The following PLEKHA5 variants were observed in gnomAD, a reference collection of about 807,000 sequenced individuals.
PLEKHA5 encodes pleckstrin homology domain containing A5, also known as pleckstrin homology domain-containing family A member 5.
PLEKHA5 carries 55 observed loss-of-function variants against 181.9 expected under a neutral mutation model. The ratio of observed to expected loss-of-function variants is 0.30; its 90% CI spans 0.24 to 0.38. PLEKHA5 has a LOEUF of 0.38. Ranked by LOEUF, PLEKHA5 falls within the 10% of genes least tolerant of loss-of-function variation. The pLI is 1.00. For missense variants in PLEKHA5, 1,432 were observed against 1,549.5 expected (o/e 0.92, Z 1.27); for synonymous variants, 535 against 529.4 (o/e 1.01, Z -0.15).
chr12:19,306,387 C>T (rs1356873462), intron 15 of PLEKHA5: 3 of 522,550 alleles, frequency 5.7e-6, no homozygotes, highest in Non-Finnish European at 1.1e-5. Context: ...TCCCCTCCCC[C>T]GCGGCGTGCA....
intron 3 of PLEKHA5, among the ~76,000 whole-genome samples, chr12:19,191,533 C>A (rs2051117679): frequency 6.6e-6 from 1 of 152,126 alleles, no homozygotes; most frequent in African/African-American, 2.4e-5. Context: ...ACTGCTGCTG[C>A]CAAGAACCAA....
chr12:19,269,715 T>C, intron 8 of PLEKHA5, 55 bp from the exon 9 acceptor site: 1 of 900,880 alleles, frequency 1.1e-6, no homozygotes, highest in South Asian at 1.8e-5. Flanking sequence ...TTTTTTCTTT[T>C]TCTTTTACAG....
chr12:19,374,847 C>T (rs2095675078), intron 31 of PLEKHA5, among the ~76,000 whole-genome samples: 1 of 151,438 alleles, frequency 6.6e-6, no homozygotes, highest in Non-Finnish European at 1.5e-5. Flanking sequence ...CCCAGCTACT[C>T]AGGAGGCTGA....
At chr12:19,342,970 G>C (rs1209458869) in intron 21 of PLEKHA5, among the ~76,000 whole-genome samples, 4 of 151,912 alleles carry the variant, frequency 2.6e-5, no homozygotes, top group African/African-American at 9.7e-5. Flanking sequence ...TTCTTTTGGG[G>C]TTTGTTTCTG....
intron 3 of PLEKHA5, among the ~76,000 whole-genome samples, chr12:19,252,098 A>C (rs548637294): frequency 6.6e-5 from 10 of 151,966 alleles, no homozygotes; most frequent in African/African-American, 2.4e-4. Flanking sequence ...TACAATAGTC[A>C]ATATGGAATT....
intron 3 of PLEKHA5, among the ~76,000 whole-genome samples, chr12:19,180,157 G>T (rs1046690438): frequency 6.6e-6 from 1 of 152,144 alleles, no homozygotes; most frequent in Non-Finnish European, 1.5e-5. Flanking sequence ...AAATGCCAGC[G>T]GTAGTAAGCA....
intron 6 of PLEKHA5, among the ~76,000 whole-genome samples, chr12:19,260,519 T>A (rs1244163116): frequency 6.6e-6 from 1 of 152,138 alleles, no homozygotes; most frequent in Non-Finnish European, 1.5e-5. Flanking sequence ...TTTAGATAGG[T>A]TATATTACAC....
At chr12:19,337,238 TTTC>T (rs1437391073) in intron 21 of PLEKHA5, among the ~76,000 whole-genome samples, 1 of 152,020 alleles carries the variant, frequency 6.6e-6, no homozygotes, top group Non-Finnish European at 1.5e-5. Flanking sequence ...AAGGGTTAGT[TTTC>T]TTATCTATAA....
chr12:19,308,220 A>C (rs1453074367), intron 15 of PLEKHA5, among the ~76,000 whole-genome samples: 1 of 152,164 alleles, frequency 6.6e-6, no homozygotes, highest in African/African-American at 2.4e-5. Context: ...CATCATGAAG[A>C]AGACATGGAT....
At chr12:19,254,895 T>C in intron 4 of PLEKHA5, 150 bp from the exon 5 acceptor site, 1 of 534,982 alleles carries the variant, frequency 1.9e-6, no homozygotes, top group Admixed American at 3.2e-5. Context: ...GTATTTAAAG[T>C]TGTTGTAAGT....
At chr12:19,369,869 T>A in intron 31 of PLEKHA5, 71 bp downstream of exon 31, 1 of 898,640 alleles carries the variant, frequency 1.1e-6, no homozygotes, top group Non-Finnish European at 1.7e-6. Context: ...GTTGGTTTAG[T>A]GAATCAAAAC....
chr12:19,203,228 C>A (rs1317121569), intron 3 of PLEKHA5, among the ~76,000 whole-genome samples: 1 of 151,976 alleles, frequency 6.6e-6, no homozygotes, highest in African/African-American at 2.4e-5. Flanking sequence ...AAGTACTATG[C>A]CGGTGTGACT....
intron 14 of PLEKHA5, 44 bp downstream of exon 14, chr12:19,290,840 T>G (rs2078250570): frequency 6.7e-7 from 1 of 1,491,982 alleles, no homozygotes; most frequent in South Asian, 1.3e-5. Context: ...CCATCATCTC[T>G]TATTTTGAAA....
intron 3 of PLEKHA5, among the ~76,000 whole-genome samples, chr12:19,140,695 C>G (rs1409721038): frequency 3.3e-5 from 5 of 152,204 alleles, no homozygotes; most frequent in Non-Finnish European, 7.3e-5. Context: ...ATCTGAACAT[C>G]CCAGGGCATT....
intron 7 of PLEKHA5, 121 bp downstream of exon 7, chr12:19,261,142 T>C (rs1054020952): frequency 7.6e-6 from 4 of 528,578 alleles, no homozygotes; most frequent in East Asian, 2.9e-5. Context: ...ACAAATAGTA[T>C]CAAACAGATT....
chr12:19,341,747 C>A (rs888386753), intron 21 of PLEKHA5, among the ~76,000 whole-genome samples: 2 of 150,992 alleles, frequency 1.3e-5, no homozygotes, highest in Non-Finnish European at 2.9e-5. Flanking sequence ...TTTTTTTTCC[C>A]CCTGTGACAG....
intron 3 of PLEKHA5, among the ~76,000 whole-genome samples, chr12:19,222,380 C>T (rs1380837472): frequency 6.6e-6 from 1 of 152,030 alleles, no homozygotes; most frequent in African/African-American, 2.4e-5. Context: ...TTTCCCTTTG[C>T]AAATGTAAGC....
intron 20 of PLEKHA5, among the ~76,000 whole-genome samples, chr12:19,331,116 G>A (rs927811786): frequency 6.6e-6 from 1 of 152,028 alleles, no homozygotes; most frequent in Non-Finnish European, 1.5e-5. Flanking sequence ...TTAGCTCTAA[G>A]AATAATAGTA....
intron 3 of PLEKHA5, among the ~76,000 whole-genome samples, chr12:19,228,837 A>G (rs146798719): frequency 1.2e-3 from 186 of 152,336 alleles, no homozygotes; most frequent in African/African-American, 4.2e-3. Context: ...AAAGCATTAC[A>G]CTCTAAATAT....
Sources: allele counts gnomAD v4.1 joint callset (sites outside exome capture counted in the v4.1 genomes callset), GRCh38; gene constraint gnomAD v4.1.1; transcripts MANE v1.5; gene names NCBI Gene and HGNC (gene_info 2026-07-23, HGNC 2026-07-21).